Variants in DPYD observed in about 807,000 individuals in gnomAD.
DPYD encodes dihydropyrimidine dehydrogenase, also known as dihydropyrimidine dehydrogenase [NADP(+)].
Under a neutral mutation model 116.2 loss-of-function variants are expected in DPYD, and 109 were observed. The ratio of observed to expected loss-of-function variants is 0.94; its 90% CI spans 0.80 to 1.10. DPYD has a LOEUF of 1.10. Among genes scored for constraint, DPYD ranks in the 50% least tolerant of loss-of-function variants. The pLI is 0.00. For synonymous variants in DPYD, 440 were observed against 432.0 expected, an observed-to-expected ratio of 1.02 and a Z score of -0.23; for missense variants, 1,302 against 1,254.5, an observed-to-expected ratio of 1.04 and a Z score of -0.57.
At chr1:97,212,366 C>T (rs978917202) in intron 19 of DPYD, among the ~76,000 whole-genome samples, 41 of 152,152 alleles carry the variant, frequency 2.7e-4, no homozygotes, top group African/African-American at 9.4e-4. Flanking sequence ...TGTTTTTATA[C>T]ATGTCAAAAT....
intron 16 of DPYD, 113 bp from the exon 17 acceptor site, chr1:97,306,410 A>T: frequency 7.3e-7 from 1 of 1,361,166 alleles, no homozygotes; most frequent in Non-Finnish European, 1.0e-6. Flanking sequence ...CTTGACAATG[A>T]GCTACATGAT....
intron 2 of DPYD, among the ~76,000 whole-genome samples, chr1:97,882,893 G>A (rs965727946): frequency 6.6e-6 from 1 of 151,936 alleles, no homozygotes; most frequent in Non-Finnish European, 1.5e-5. Context: ...GTATCATTGT[G>A]TCATTAGGCA....
intron 20 of DPYD, among the ~76,000 whole-genome samples, chr1:97,164,929 C>T (rs1019921882): frequency 4.6e-5 from 7 of 151,318 alleles, no homozygotes; most frequent in Admixed American, 3.3e-4. Flanking sequence ...AGGATGGTCT[C>T]GATCTGCTGA....
chr1:97,435,091 A>T (rs904823505), intron 14 of DPYD, among the ~76,000 whole-genome samples: 5 of 152,010 alleles, frequency 3.3e-5, no homozygotes, highest in Non-Finnish European at 5.9e-5. Context: ...GTTTTGGGGA[A>T]AAGGCTCATT....
intron 8 of DPYD, among the ~76,000 whole-genome samples, chr1:97,639,816 C>A (rs989480751): frequency 7.2e-5 from 11 of 152,204 alleles, no homozygotes; most frequent in African/African-American, 2.6e-4. Context: ...GGCTTTAATA[C>A]CAATTTTTTT....
intron 13 of DPYD, among the ~76,000 whole-genome samples, chr1:97,454,412 T>C (rs935317859): frequency 3.3e-5 from 5 of 151,908 alleles, no homozygotes; most frequent in Non-Finnish European, 7.4e-5. Flanking sequence ...TAAGTCTTAT[T>C]AGCATTGCTT....
intron 8 of DPYD, among the ~76,000 whole-genome samples, chr1:97,664,418 A>G (rs1659441082): frequency 6.6e-6 from 1 of 151,936 alleles, no homozygotes; most frequent in African/African-American, 2.4e-5. Context: ...TATAGCTATG[A>G]GTTTAGTACT....
At chr1:97,452,518 T>A (rs149523124) in intron 13 of DPYD, among the ~76,000 whole-genome samples, 2 of 152,130 alleles carry the variant, frequency 1.3e-5, no homozygotes, top group African/African-American at 4.8e-5. Flanking sequence ...AGACCAGTGG[T>A]TTGGGCTTTG....
intron 20 of DPYD, among the ~76,000 whole-genome samples, chr1:97,158,462 TA>T (rs1189899987): frequency 8.6e-6 from 1 of 116,280 alleles, no homozygotes; most frequent in Non-Finnish European, 1.9e-5. Flanking sequence ...CTCCTGCAGA[TA>T]ACTCACCAGA....
chr1:97,511,548 T>C (rs562365919), intron 13 of DPYD, among the ~76,000 whole-genome samples: 15 of 152,120 alleles, frequency 9.9e-5, no homozygotes, highest in African/African-American at 3.1e-4. Context: ...TTCATTTATA[T>C]TAATATTACT....
intron 19 of DPYD, among the ~76,000 whole-genome samples, chr1:97,217,069 A>T (rs1660452484): frequency 4.0e-5 from 6 of 151,052 alleles, no homozygotes. Context: ...TTAGCTGGAC[A>T]TGGTGGTGGG....
At chr1:97,237,998 G>C (rs1662066280) in intron 18 of DPYD, among the ~76,000 whole-genome samples, 1 of 151,926 alleles carries the variant, frequency 6.6e-6, no homozygotes, top group African/African-American at 2.4e-5. Context: ...GATATTAATG[G>C]ACATAAAAAG....
chr1:97,159,685 G>A (rs1449773630), intron 20 of DPYD, among the ~76,000 whole-genome samples: 2 of 151,994 alleles, frequency 1.3e-5, no homozygotes, highest in Non-Finnish European at 2.9e-5. Context: ...GCAATTTTGA[G>A]ACTGAATTTG....
chr1:97,157,437 C>T (rs996667742), intron 20 of DPYD, among the ~76,000 whole-genome samples: 13 of 152,032 alleles, frequency 8.6e-5, no homozygotes, highest in African/African-American at 2.9e-4. Flanking sequence ...GACTTATCTA[C>T]TTATGTGGGA....
chr1:97,822,539 T>C (rs1167381042), intron 3 of DPYD, among the ~76,000 whole-genome samples: 1 of 151,866 alleles, frequency 6.6e-6, no homozygotes, highest in Non-Finnish European at 1.5e-5. Flanking sequence ...ATCACATTCA[T>C]ATTATGCATA....
At chr1:97,219,466 T>C (rs774421686) in intron 19 of DPYD, among the ~76,000 whole-genome samples, 6 of 152,210 alleles carry the variant, frequency 3.9e-5, no homozygotes, top group Admixed American at 6.5e-5. Context: ...TTAATGATGA[T>C]GTCCTACCAT....
chr1:97,267,680 C>T (rs1664323650), intron 18 of DPYD, among the ~76,000 whole-genome samples: 1 of 151,980 alleles, frequency 6.6e-6, no homozygotes, highest in South Asian at 2.1e-4. Context: ...GGGCATTAAT[C>T]CATTCATGAG....
At chr1:97,229,301 G>A (rs1661423700) in intron 19 of DPYD, among the ~76,000 whole-genome samples, 2 of 145,808 alleles carry the variant, frequency 1.4e-5, no homozygotes, top group South Asian at 4.4e-4. Flanking sequence ...CCAAGCCCCA[G>A]CAGACATTAA....
At chr1:97,815,875 G>T (rs1457652726) in intron 3 of DPYD, among the ~76,000 whole-genome samples, 1 of 152,014 alleles carries the variant, frequency 6.6e-6, no homozygotes, top group Admixed American at 6.6e-5. Context: ...AGAGGAAATG[G>T]GATCCAGATC....
Sources: allele counts gnomAD v4.1 joint callset (sites outside exome capture counted in the v4.1 genomes callset), GRCh38; gene constraint gnomAD v4.1.1; transcripts MANE v1.5; gene names NCBI Gene and HGNC (gene_info 2026-07-23, HGNC 2026-07-21).